COLGALT2: variants seen among roughly 807,000 people sequenced by gnomAD.
The protein encoded by COLGALT2 is collagen beta(1-O)galactosyltransferase 2.
COLGALT2 carries 49 observed loss-of-function variants against 73.4 expected under a neutral mutation model. That is an observed-to-expected ratio of 0.67 (90% CI 0.53 to 0.85). The LOEUF is 0.85. Among genes scored for constraint, COLGALT2 ranks in the 40% least tolerant of loss-of-function variants. The probability of loss-of-function intolerance (pLI) is 0.00; values close to 1 mark genes in which losing one functional copy is unlikely to be tolerated. For missense variants in COLGALT2, 722 were observed against 790.2 expected, an observed-to-expected ratio of 0.91 and a Z score of 1.03; for synonymous variants, 295 against 307.6, an observed-to-expected ratio of 0.96 and a Z score of 0.43.
chr1:183,954,904 C>T (rs994312998), intron 6 of COLGALT2, 66 bp from the exon 7 acceptor site: 26 of 1,209,352 alleles, frequency 2.1e-5, no homozygotes, highest in East Asian at 4.7e-5. Context: ...GAATTCCATC[C>T]GCATGCCTGA....
At chr1:183,963,449 T>C (rs1336636680) in intron 6 of COLGALT2, among the ~76,000 whole-genome samples, 3 of 152,210 alleles carry the variant, frequency 2.0e-5, no homozygotes, top group Admixed American at 2.0e-4. Flanking sequence ...CATGAGCTAT[T>C]ATTAAGTTAA....
intron 1 of COLGALT2, among the ~76,000 whole-genome samples, chr1:183,994,971 C>T (rs1239239391): frequency 6.6e-6 from 1 of 152,104 alleles, no homozygotes; most frequent in Non-Finnish European, 1.5e-5. Context: ...GGTGAAGTGA[C>T]TTTTGAAACC....
chr1:183,988,071 A>T (rs1671533509), intron 1 of COLGALT2, among the ~76,000 whole-genome samples: 1 of 152,194 alleles, frequency 6.6e-6, no homozygotes, highest in Non-Finnish European at 1.5e-5. Flanking sequence ...AAATATTTCA[A>T]ATATGGCTGG....
chr1:184,019,124 A>C, intron 1 of COLGALT2, among the ~76,000 whole-genome samples: 1 of 152,246 alleles, frequency 6.6e-6, no homozygotes, highest in East Asian at 1.9e-4. Context: ...ATAGCAACTC[A>C]CTTCTTGGTT....
At chr1:184,020,230 A>G (rs538020466) in intron 1 of COLGALT2, among the ~76,000 whole-genome samples, 71 of 152,344 alleles carry the variant, frequency 4.7e-4, no homozygotes, top group Non-Finnish European at 8.2e-4. Context: ...ATAAGGATGC[A>G]GAGGATGTTA....
At position 183,938,735 on chromosome 1, in the gene COLGALT2, A is replaced by T; in HGVS notation, c.*26T>A. 6.2e-7 allele frequency: 1 copy of T among 1,611,914 alleles called. No homozygotes were observed. Among genetic ancestry groups the T allele is most frequent in the Non-Finnish European group, 8.5e-7 (1 of 1,178,762 alleles). Reference sequence around the variant, plus strand: ...AGAAAAACCAGAGGATGTTGAACTGATGTGGGCCACACTCCCAGGGAGCCT... The same window carrying T: ...AGAAAAACCAGAGGATGTTGAACTGTTGTGGGCCACACTCCCAGGGAGCCT... On this transcript the variant is annotated 3_prime_UTR_variant, in exon 12 of 12. Coordinates refer to ENST00000361927, the MANE Select transcript of COLGALT2 (RefSeq NM_015101.4).
chr1:184,034,688 G>A (rs957050128), intron 1 of COLGALT2, among the ~76,000 whole-genome samples: 1 of 152,152 alleles, frequency 6.6e-6, no homozygotes, highest in African/African-American at 2.4e-5. Context: ...ATCTGATAGG[G>A]TCATTTTGAA....
chr1:183,979,820 T>A (rs1306077104), intron 1 of COLGALT2, among the ~76,000 whole-genome samples: 2 of 152,102 alleles, frequency 1.3e-5, no homozygotes, highest in Non-Finnish European at 2.9e-5. Context: ...TACAACATAC[T>A]AATAGAGACT....
intron 1 of COLGALT2, among the ~76,000 whole-genome samples, chr1:184,004,118 T>C (rs1672004350): frequency 6.6e-6 from 1 of 152,204 alleles, no homozygotes; most frequent in Admixed American, 6.5e-5. Context: ...GAATATAACC[T>C]TCACTTCACA....
chr1:183,956,644 C>T (rs1670562471), intron 6 of COLGALT2, among the ~76,000 whole-genome samples: 1 of 152,142 alleles, frequency 6.6e-6, no homozygotes, highest in Non-Finnish European at 1.5e-5. Flanking sequence ...ACTCACATGG[C>T]CTGTGTGGCT....
rs1300346646 is a variant in COLGALT2 at position 183,940,849 on chromosome 1, A to C, written c.1398-62T>G. ...GACTATTATGCCATGATAAGGATGA[A>C]GCACAGCTTTGGTTTACATAGATAC... is the stretch of plus-strand genomic sequence containing the variant. On this transcript the variant is annotated intron_variant, in intron 10 of 11. Transcript: ENST00000361927. The C allele has an allele frequency of 7.1e-6, 10 of 1,410,354 alleles. No homozygotes were observed. The East Asian group carries it at 1.8e-4, about 26-fold the overall frequency. 87.4% of individuals were successfully genotyped at this position (1,410,354 alleles called of 1,614,324 possible). A position where few individuals can be genotyped will look rare whatever the true frequency, so the allele number is the denominator to read the frequency against.
At chr1:183,933,691 C>T (rs1669889403), downstream of COLGALT2, among the ~76,000 whole-genome samples, 1 of 152,184 alleles carries the variant, frequency 6.6e-6, no homozygotes, top group African/African-American at 2.4e-5. Flanking sequence ...AGAGCCCAGA[C>T]ATCCACCCAG....
At chr1:183,931,294 A>T (rs1173209762), downstream of COLGALT2, among the ~76,000 whole-genome samples, 1 of 152,152 alleles carries the variant, frequency 6.6e-6, no homozygotes, top group Non-Finnish European at 1.5e-5. Flanking sequence ...TTCCAGTCAC[A>T]TGAATTCCCA....
chr1:183,948,929 T>A (rs1227735043), intron 8 of COLGALT2, among the ~76,000 whole-genome samples: 1 of 152,184 alleles, frequency 6.6e-6, no homozygotes, highest in Non-Finnish European at 1.5e-5. Flanking sequence ...TGTATTCTTA[T>A]TCATTTAGCA....
At chr1:183,970,600 G>T (rs1010901909) in intron 4 of COLGALT2, among the ~76,000 whole-genome samples, 3 of 152,130 alleles carry the variant, frequency 2.0e-5, no homozygotes, top group Admixed American at 1.3e-4. Flanking sequence ...TCAAAAATGA[G>T]GACTCAGAAG....
intron 1 of COLGALT2, among the ~76,000 whole-genome samples, chr1:184,029,497 A>G (rs2102861012): frequency 6.6e-6 from 1 of 152,316 alleles, no homozygotes; most frequent in Non-Finnish European, 1.5e-5. Flanking sequence ...CTGCAAGTGC[A>G]CACAGTGTGG....
chr1:183,960,459 A>G (rs1450259710), intron 6 of COLGALT2, among the ~76,000 whole-genome samples: 1 of 152,106 alleles, frequency 6.6e-6, no homozygotes, highest in Non-Finnish European at 1.5e-5. Flanking sequence ...TATTTCTTTG[A>G]TATTTTCTCC....
chr1:183,942,955 C>G (rs1472689060), intron 10 of COLGALT2, among the ~76,000 whole-genome samples: 4 of 152,192 alleles, frequency 2.6e-5, no homozygotes, highest in African/African-American at 9.7e-5. Context: ...GTGAAGTTGC[C>G]TTTATACAAG....
chr1:183,994,694 A>G (rs1470216840), intron 1 of COLGALT2, among the ~76,000 whole-genome samples: 1 of 152,130 alleles, frequency 6.6e-6, no homozygotes, highest in South Asian at 2.1e-4. Flanking sequence ...ACCTCAGGTA[A>G]TCCGCCCGCC....
Sources: gnomAD v4.1 joint callset for allele counts (sites outside exome capture counted in the v4.1 genomes callset) on GRCh38, gnomAD v4.1.1 for gene constraint, MANE v1.5 for transcripts, NCBI Gene and HGNC (gene_info 2026-07-23, HGNC 2026-07-21) for gene names.